The following MACROD1 variants were observed in gnomAD, a reference collection of about 807,000 sequenced individuals.
The protein encoded by MACROD1 is ADP-ribose glycohydrolase MACROD1.
In MACROD1, 31 loss-of-function variants were observed where a neutral mutation model predicts 41.4. That is an observed-to-expected ratio of 0.75 (90% CI 0.56 to 1.01). The LOEUF is 1.01. MACROD1 is among the 50% of genes least tolerant of loss of function. The pLI, the probability that MACROD1 is intolerant of heterozygous loss-of-function variation, is 0.00. For missense variants in MACROD1, 473 were observed against 460.0 expected (o/e 1.03, Z -0.26); for synonymous variants, 252 against 203.4 (o/e 1.24, Z -2.03).
intron 3 of MACROD1, among the ~76,000 whole-genome samples, chr11:64,039,648 G>A (rs1943448384): frequency 6.6e-6 from 1 of 152,232 alleles, no homozygotes; most frequent in Non-Finnish European, 1.5e-5. Context: ...TCTGGCAGCA[G>A]CTGGAGACAC....
At chr11:64,109,503 G>T (rs775500460) in intron 3 of MACROD1, among the ~76,000 whole-genome samples, 2 of 152,194 alleles carry the variant, frequency 1.3e-5, no homozygotes, top group Non-Finnish European at 2.9e-5. Context: ...CTGCAGAGGG[G>T]GTGGAAAGGG....
chr11:64,003,672 CTG>C (rs1426928340), intron 4 of MACROD1, among the ~76,000 whole-genome samples: 1 of 152,214 alleles, frequency 6.6e-6, no homozygotes, highest in Non-Finnish European at 1.5e-5. Context: ...GAAGAAGAAA[CTG>C]AGGCACAGAG....
intron 3 of MACROD1, among the ~76,000 whole-genome samples, chr11:64,043,874 C>T (rs1266087304): frequency 6.7e-6 from 1 of 150,302 alleles, no homozygotes; most frequent in African/African-American, 2.5e-5. Context: ...TGCGATGGTG[C>T]AATCTGGGCT....
At position 64,117,972 on chromosome 11, in the gene MACROD1, G is replaced by A. The variant is rs780913370; in HGVS notation, c.517+33267C>T. ...AGTGGCTCTGGTCTTCCTCTTCCTGGTCCTGGGGGCCATCTGCTGGTACGT... is the reference window on the plus strand; with the variant it reads ...AGTGGCTCTGGTCTTCCTCTTCCTGATCCTGGGGGCCATCTGCTGGTACGT... On this transcript the variant is annotated intron_variant, in intron 3 of 10. Coordinates refer to ENST00000255681, the MANE Select transcript of MACROD1 (RefSeq NM_014067.4). 2.0e-5 allele frequency: 32 copies of A among 1,613,672 alleles called. No homozygotes were observed. The highest frequency in any genetic ancestry group is 2.5e-5 in the Non-Finnish European group (30 of 1,180,036).
At chr11:64,112,859 A>G (rs1240421658) in intron 3 of MACROD1, among the ~76,000 whole-genome samples, 1 of 152,234 alleles carries the variant, frequency 6.6e-6, no homozygotes, top group Non-Finnish European at 1.5e-5. Context: ...CTGCCTGGGC[A>G]GAGACCCTGT....
At chr11:64,050,126 G>C (rs1263302409) in intron 3 of MACROD1, among the ~76,000 whole-genome samples, 1 of 152,092 alleles carries the variant, frequency 6.6e-6, no homozygotes, top group East Asian at 1.9e-4. Flanking sequence ...ATGCCCCACA[G>C]GGAAGCCGGG....
At position 64,033,248 on chromosome 11, in the gene MACROD1, G is replaced by A. The variant is rs1172897282; in HGVS notation, c.518-17967C>T. Among the ~76,000 whole-genome samples, 3 of 152,164 alleles carry A rather than the reference G, an allele frequency of 2.0e-5. No homozygotes were observed. In the East Asian group the frequency reaches 5.8e-4, roughly 29 times the overall value. The stretch of plus-strand genomic sequence containing the variant: ...TCCAGCAGGGCCCGATTCACTTCTG[G>A]TCCCTGGTGCCCTAAACAGCACCTG... On this transcript the variant is annotated intron_variant, in intron 3 of 10. Transcript: ENST00000255681.
intron 1 of MACROD1, among the ~76,000 whole-genome samples, chr11:64,163,942 G>A (rs1041401153): frequency 7.9e-5 from 12 of 152,244 alleles, no homozygotes; most frequent in East Asian, 3.9e-4. Flanking sequence ...ACTCAATAAC[G>A]GGTCTGGAAT....
At chr11:64,158,622 G>A (rs1356627259) in intron 1 of MACROD1, among the ~76,000 whole-genome samples, 1 of 152,150 alleles carries the variant, frequency 6.6e-6, no homozygotes, top group Non-Finnish European at 1.5e-5. Context: ...GGAAACTGAG[G>A]CTTGGAGAGC....
intron 3 of MACROD1, among the ~76,000 whole-genome samples, chr11:64,097,063 C>T (rs1944589553): frequency 6.6e-6 from 1 of 152,264 alleles, no homozygotes; most frequent in Admixed American, 6.5e-5. Context: ...GCTCCTGTCT[C>T]CCTGCTGCCC....
intron 3 of MACROD1, among the ~76,000 whole-genome samples, chr11:64,048,206 G>A (rs1394446877): frequency 6.6e-6 from 1 of 152,248 alleles, no homozygotes; most frequent in Non-Finnish European, 1.5e-5. Context: ...GTGAGAGCCG[G>A]GGGCCTTCGA....
chr11:64,011,668 T>C (rs572381604), intron 4 of MACROD1, among the ~76,000 whole-genome samples: 216 of 151,802 alleles, frequency 1.4e-3, no homozygotes, highest in Non-Finnish European at 2.5e-3. Context: ...GACGAAGACA[T>C]GGAGCAGGGC....
rs771778580 is a variant in MACROD1, at chr11:64,117,690, C to G, written c.517+33549G>C. ...CAGTTGGCTGCGCCTGGGCCACAGCCCAGCCGTGGGCTCCATCACGGAGAC... is the reference window on the plus strand; with the variant it reads ...CAGTTGGCTGCGCCTGGGCCACAGCGCAGCCGTGGGCTCCATCACGGAGAC... On this transcript the variant is annotated intron_variant, in intron 3 of 10. Coordinates refer to ENST00000255681, the MANE Select transcript of MACROD1 (RefSeq NM_014067.4). The G allele has an allele frequency of 1.6e-5, 26 of 1,613,504 alleles. No homozygotes were observed. The highest frequency in any genetic ancestry group is 2.1e-5 in the Non-Finnish European group (25 of 1,179,958).
chr11:64,154,318 G>A (rs1023639645), intron 1 of MACROD1, among the ~76,000 whole-genome samples: 3 of 151,592 alleles, frequency 2.0e-5, no homozygotes, highest in East Asian at 1.9e-4. Context: ...TTTTTTACTC[G>A]AGACCCTGCA....
At chr11:64,033,423 G>A (rs1040596486) in intron 3 of MACROD1, among the ~76,000 whole-genome samples, 2 of 152,190 alleles carry the variant, frequency 1.3e-5, no homozygotes, top group Non-Finnish European at 2.9e-5. Flanking sequence ...TAGGGACAAG[G>A]TTGCCCAGGC....
intron 3 of MACROD1, among the ~76,000 whole-genome samples, chr11:64,078,185 G>A (rs1184570077): frequency 6.6e-6 from 1 of 152,212 alleles, no homozygotes. Flanking sequence ...GCCCGCCCCA[G>A]AGATGCAGAA....
rs1196878274 is a variant in MACROD1, at chr11:64,120,622, C to T, written c.517+30617G>A. On this transcript the variant is annotated intron_variant, in intron 3 of 10. Coordinates refer to ENST00000255681, the MANE Select transcript of MACROD1 (RefSeq NM_014067.4). This position sits in a 1 kb window ranked among gnomAD's most constrained non-coding sequence, Gnocchi z 4.5. ...ATCGCTTGAACCAGGGAGGCAGAGG[C>T]TGCAGTGAACCGAGATTGCGCCACT... 1.3e-5 allele frequency among the ~76,000 whole-genome samples: 2 copies of T among 151,960 alleles called. No homozygotes were observed. The highest frequency in any genetic ancestry group is 4.8e-5 in the African/African-American group (2 of 41,356).
intron 3 of MACROD1, among the ~76,000 whole-genome samples, chr11:64,104,757 T>A (rs1376502837): frequency 6.6e-6 from 1 of 152,132 alleles, no homozygotes; most frequent in Non-Finnish European, 1.5e-5. Flanking sequence ...CAGTTCAGCC[T>A]CTTTGTTGGT....
chr11:64,051,576 G>A (rs1021013520), intron 3 of MACROD1, among the ~76,000 whole-genome samples: 6 of 152,350 alleles, frequency 3.9e-5, no homozygotes, highest in South Asian at 2.1e-4. Context: ...AAATCTGTCC[G>A]GGTCTGACAG....
Sources: gnomAD v4.1 joint callset for allele counts (sites outside exome capture counted in the v4.1 genomes callset) on GRCh38, gnomAD v4.1.1 for gene constraint, Gnocchi (gnomAD v3.1) non-coding constraint, MANE v1.5 for transcripts, NCBI Gene and HGNC (gene_info 2026-07-23, HGNC 2026-07-21) for gene names.